The following PVRIG variants were observed in gnomAD, a reference collection of about 807,000 sequenced individuals.
PVRIG encodes transmembrane protein PVRIG.
PVRIG carries 16 observed loss-of-function variants against 21.9 expected under a neutral mutation model. The ratio of observed to expected loss-of-function variants is 0.73; its 90% CI spans 0.50 to 1.11. The LOEUF (loss-of-function observed/expected upper bound fraction) is 1.11. Ranked by LOEUF, PVRIG falls within the 50% of genes most tolerant of loss-of-function variation. The pLI is 0.00. For synonymous variants in PVRIG, 190 were observed against 181.0 expected, an observed-to-expected ratio of 1.05 and a Z score of -0.40; for missense variants, 435 against 445.7, an observed-to-expected ratio of 0.98 and a Z score of 0.22.
rs367585089 is a variant in PVRIG, at chr7:100,220,809, G to A, written c.646G>A (p.Ala216Thr). Residue 216 changes from alanine (A) to threonine (T), a missense_variant, in exon 5 of 6, where the codon GCA becomes ACA. Ala to Thr is a moderately conservative substitution (Grantham distance 58, BLOSUM62 0). Transcript: ENST00000317271. ...CCGCACCAGCCCCCAGGCACCGAGAGCACGAGCATGGGTGAGGAGGGGACC... is the reference window on the plus strand; with the variant it reads ...CCGCACCAGCCCCCAGGCACCGAGAACACGAGCATGGGTGAGGAGGGGACC... 17 of 1,606,804 alleles carry A rather than the reference G, an allele frequency of 1.1e-5. No individual in the cohort carries two copies. The African/African-American group carries it at 1.7e-4, about 16-fold the overall frequency.
chr7:100,221,135 G>A (rs1411934966), exon 6 of PVRIG: 1 of 1,613,800 alleles, frequency 6.2e-7, no homozygotes, highest in Non-Finnish European at 8.5e-7. Context: ...TGTCTCTGTT[G>A]AGAATGGACT....
chr7:100,220,660 C>T lies in PVRIG; in HGVS notation c.583C>T (p.Arg195Ter), dbSNP rs138822111. Residue 195 changes from arginine (R) to a stop codon, truncating the protein, a stop_gained, in exon 4 of 6, where the codon CGA (arginine) becomes TGA (stop). Coordinates refer to ENST00000317271, the Ensembl canonical transcript of PVRIG. LOFTEE classifies it high-confidence loss of function. The stretch of plus-strand genomic sequence containing the variant: ...TGTCTACCTCCTTCATCTGCTGCGC[C>T]GACATAAGCACCGGTGAGACCTGGT... 6.8e-6 allele frequency: 11 copies of T among 1,611,220 alleles called. No individual in the cohort carries two copies. The highest frequency in any genetic ancestry group is 2.2e-5 in the East Asian group (1 of 44,880).
chr7:100,220,992 G>A (rs868808171), exon 6 of PVRIG: 12 of 1,601,416 alleles, frequency 7.5e-6, no homozygotes, highest in Admixed American at 5.1e-5. Flanking sequence ...ACCAGCTGCC[G>A]CCCAGCTACT....
At chr7:100,219,475 A>G (rs1000632331) in intron 1 of PVRIG, 8 of 231,766 alleles carry the variant, frequency 3.5e-5, no homozygotes, top group African/African-American at 4.7e-5. Context: ...GGAGGCCTGC[A>G]TTGCAGGTGT....
exon 6 of PVRIG, chr7:100,221,035 C>T (rs759295200): frequency 3.1e-6 from 5 of 1,613,124 alleles, no homozygotes; most frequent in East Asian, 2.2e-5. Flanking sequence ...GGGGGCCGTC[C>T]TGGTGGGCGT....
In PVRIG at chr7:100,219,760, T is replaced by G. The variant is rs1803083118; in HGVS notation, c.-151T>G. The G allele has an allele frequency of 7.2e-6, 5 of 698,854 alleles. No homozygotes were observed. In the East Asian group the frequency reaches 1.4e-4, roughly 19 times the overall value. The allele number at this position is 698,854 out of a possible 1,614,324, so 43.3% of individuals were successfully genotyped here. ...ACCCACCTGTGCCGCCCTGCCTTGT[T>G]ACCTGGAAGCACAGCCTTGGGGACT... is the stretch of plus-strand genomic sequence containing the variant. On this transcript the variant is annotated 5_prime_UTR_variant, in exon 2 of 6. Transcript: ENST00000317271.
At chr7:100,221,365 C>T in exon 6 of PVRIG, 1 of 808,028 alleles carries the variant, frequency 1.2e-6, no homozygotes, top group South Asian at 2.0e-5. Flanking sequence ...CCAGGCCCAC[C>T]TGCTGCGGAT....
intron 2 of PVRIG, 30 bp downstream of exon 1, chr7:100,220,058 G>T: frequency 6.2e-7 from 1 of 1,604,264 alleles, no homozygotes; most frequent in African/African-American, 1.3e-5. Flanking sequence ...AGGGGCAGGG[G>T]CTGCAGGGAG....
chr7:100,220,207 C>G (rs1205429264), exon 3 of PVRIG: 12 of 1,596,290 alleles, frequency 7.5e-6, no homozygotes, highest in Admixed American at 1.7e-5. Context: ...GGCTCCATCT[C>G]CCTGGTGACT....
chr7:100,220,743 T>C lies in PVRIG; in HGVS notation c.597-17T>C. ...CACATGCCCTGCAGAGCTCTGACCA[T>C]CCTTGCTCTCTCCCAGCCCTGCCCC... On this transcript the variant is annotated splice_polypyrimidine_tract_variant and intron_variant, in intron 4 of 5. Coordinates refer to ENST00000317271, the Ensembl canonical transcript of PVRIG. The C allele has an allele frequency of 6.2e-7, 1 of 1,606,542 alleles. No homozygotes were observed. The highest frequency in any genetic ancestry group is 2.2e-5 in the East Asian group (1 of 44,874).
exon 6 of PVRIG, chr7:100,221,056 C>G (rs1181170962): frequency 1.2e-5 from 19 of 1,613,796 alleles, no homozygotes; most frequent in Non-Finnish European, 1.4e-5. Flanking sequence ...CACTCCCCAC[C>G]CACGCTGCAC....
chr7:100,220,726 C>G (rs756588296), intron 4 of PVRIG, 34 bp from the exon 4 acceptor site: 104 of 1,607,358 alleles, frequency 6.5e-5, no homozygotes, highest in Middle Eastern at 2.2e-4. Flanking sequence ...GCCACATGCC[C>G]TGCAGAGCTC....
In PVRIG at chr7:100,219,969, C is replaced by A. The variant is rs556567389; in HGVS notation, c.59C>A (p.Ala20Asp). ...CCCCCAGAACCTGGACTGGAGGGGG[C>A]CATGGGGCACCGGACCCTGGTCCTG... is the stretch of plus-strand genomic sequence containing the variant. The change falls in exon 2 of 6, where the codon GCC (alanine) becomes GAC (aspartate). Residue 20 changes from alanine (A) to aspartate (D), a missense_variant. Coordinates refer to ENST00000317271, the Ensembl canonical transcript of PVRIG. 47 of 1,579,116 alleles carry A rather than the reference C, an allele frequency of 3.0e-5. 1 individual carries two copies. In the East Asian group the frequency reaches 1.1e-3, roughly 36 times the overall value.
Position 100,220,035 on chromosome 7 carries a change from G to C in PVRIG, c.118+7G>C. ...ACCTTGTGTGTCACTGCGGGTGAGT[G>C]CCGGCACCAGAGAGGGGCAGGGGCT... On this transcript the variant is annotated splice_region_variant and intron_variant, in intron 2 of 5. Transcript: ENST00000317271. 1.2e-6 allele frequency: 2 copies of C among 1,604,806 alleles called. No individual in the cohort carries two copies. The highest frequency in any genetic ancestry group is 1.7e-6 in the Non-Finnish European group (2 of 1,176,278).
At chr7:100,221,277 T>TC (rs982051337) in exon 6 of PVRIG, 25 of 1,500,848 alleles carry the variant, frequency 1.7e-5, no homozygotes, top group Non-Finnish European at 2.2e-5. Context: ...CACTGGGCTT[T>TC]CCCCCTCCCA....
At chr7:100,219,656 G>A (rs1046515738) in intron 1 of PVRIG, 6 of 575,156 alleles carry the variant, frequency 1.0e-5, no homozygotes, top group Non-Finnish European at 1.6e-5. Context: ...GCTGTCCAGG[G>A]AAGGGGAGTC....
chr7:100,220,660 C>A (rs138822111), exon 4 of PVRIG: 1 of 1,611,220 alleles, frequency 6.2e-7, no homozygotes, highest in African/African-American at 1.3e-5. Flanking sequence ...TCTGCTGCGC[C>A]GACATAAGCA....
At chr7:100,221,139 A>G (rs766475144) in exon 6 of PVRIG, 4 of 1,613,640 alleles carry the variant, frequency 2.5e-6, no homozygotes, top group Admixed American at 1.7e-5. Flanking sequence ...TCTGTTGAGA[A>G]TGGACTCTAC....
intron 4 of PVRIG, 32 bp downstream of exon 3, chr7:100,220,705 A>G: frequency 1.2e-6 from 2 of 1,608,852 alleles, no homozygotes; most frequent in Non-Finnish European, 1.7e-6. Flanking sequence ...CGTCCCCCTG[A>G]CACTGGGATG....
Sources: allele counts gnomAD v4.1 joint callset, GRCh38; gene constraint gnomAD v4.1.1; transcripts MANE v1.5; gene names NCBI Gene and HGNC (gene_info 2026-07-23, HGNC 2026-07-21).